DYNLT2B: variants seen among roughly 807,000 people sequenced by gnomAD.
DYNLT2B encodes the protein dynein light chain Tctex-type 2B.
A neutral mutation model predicts 19.5 loss-of-function variants in DYNLT2B; 14 were observed. The ratio of observed to expected loss-of-function variants is 0.72; its 90% CI spans 0.47 to 1.12. The LOEUF is 1.12. DYNLT2B is among the 50% of genes most tolerant of loss of function. The probability of loss-of-function intolerance (pLI) is 0.00; values close to 1 mark genes in which losing one functional copy is unlikely to be tolerated. For missense variants in DYNLT2B, 133 were observed against 174.7 expected (o/e 0.76, Z 1.35); for synonymous variants, 70 against 59.7 (o/e 1.17, Z -0.79).
At chr3:196,294,133 C>T (rs1033981081) in intron 4 of DYNLT2B, among the ~76,000 whole-genome samples, 1 of 152,020 alleles carries the variant, frequency 6.6e-6, no homozygotes, top group African/African-American at 2.4e-5. Flanking sequence ...GGGCCGATCA[C>T]CTGAGGTCGG....
chr3:196,292,850 C>T (rs1726129327), intron 4 of DYNLT2B, among the ~76,000 whole-genome samples: 1 of 152,060 alleles, frequency 6.6e-6, no homozygotes, highest in East Asian at 1.9e-4. Flanking sequence ...CTGGAATCTC[C>T]CAAATAAAGT....
chr3:196,314,035 T>C (rs977747730), intron 2 of DYNLT2B, among the ~76,000 whole-genome samples: 3 of 151,854 alleles, frequency 2.0e-5, no homozygotes, highest in African/African-American at 7.3e-5. Context: ...GAGGCGGAGA[T>C]TGCAGTGAGC....
intron 2 of DYNLT2B, among the ~76,000 whole-genome samples, chr3:196,310,251 G>C (rs1726601143): frequency 6.7e-6 from 1 of 149,404 alleles, no homozygotes; most frequent in Non-Finnish European, 1.5e-5. Flanking sequence ...ATAGGCATGC[G>C]CCATCACGCT....
At chr3:196,308,405 A>G (rs1726549003) in intron 2 of DYNLT2B, among the ~76,000 whole-genome samples, 1 of 152,196 alleles carries the variant, frequency 6.6e-6, no homozygotes, top group South Asian at 2.1e-4. Context: ...AGACAAGAAA[A>G]AAAATGAAGA....
At chr3:196,300,609 A>G (rs979905356) in intron 3 of DYNLT2B, among the ~76,000 whole-genome samples, 1 of 150,704 alleles carries the variant, frequency 6.6e-6, no homozygotes, top group African/African-American at 2.4e-5. Context: ...TGCGTCTCTA[A>G]TCCCGGTTAC....
At chr3:196,295,906 C>T (rs888273203) in intron 4 of DYNLT2B, 100 bp downstream of exon 4, 14 of 974,740 alleles carry the variant, frequency 1.4e-5, no homozygotes, top group Non-Finnish European at 2.2e-5. Context: ...AGATGAATGA[C>T]TAAGACAGCA....
intron 2 of DYNLT2B, among the ~76,000 whole-genome samples, chr3:196,311,704 G>C (rs1036576386): frequency 4.1e-5 from 6 of 145,918 alleles, no homozygotes; most frequent in African/African-American, 1.6e-4. Context: ...TTTATTTTGA[G>C]ACAGAGTCTC....
intron 2 of DYNLT2B, among the ~76,000 whole-genome samples, chr3:196,309,483 TCGAACTCCTGACCTCAGGTGATCC>T: frequency 6.6e-6 from 1 of 152,140 alleles, no homozygotes; most frequent in Non-Finnish European, 1.5e-5. Context: ...CAGGTTGTTC[TCGAACTCCTGACCTCAGGTGATCC>T]ATCTGCCTCG....
intron 3 of DYNLT2B, among the ~76,000 whole-genome samples, chr3:196,303,091 T>C (rs968902532): frequency 6.6e-6 from 1 of 152,090 alleles, no homozygotes; most frequent in African/African-American, 2.4e-5. Flanking sequence ...ATGGATCAGC[T>C]GGCACCACCC....
chr3:196,318,123 C>A lies in DYNLT2B; in HGVS notation c.30G>T (p.Ser10=). 1 of 1,555,736 alleles carries A rather than the reference C, an allele frequency of 6.4e-7. No individual in the cohort carries two copies. ...CAGCCTCAGGCACCCCGTCGCCCAC[C>A]GAGAAGGACACTCCGATGGACGTGG... The part of the protein sequence containing the change: MATSIGVSF[S]VGDGVPEAEK... Residue 10 remains serine (S), a synonymous_variant, in exon 1 of 5, where the codon TCG becomes TCT. Coordinates refer to ENST00000325318, the MANE Select transcript of DYNLT2B (RefSeq NM_152773.5).
chr3:196,317,310 G>A (rs1215719914), intron 1 of DYNLT2B, among the ~76,000 whole-genome samples: 1 of 95,186 alleles, frequency 1.1e-5, no homozygotes. Context: ...TAAAGTTAGT[G>A]ATCTTACAAA....
At chr3:196,308,539 G>C (rs1463371146) in intron 2 of DYNLT2B, among the ~76,000 whole-genome samples, 2 of 152,162 alleles carry the variant, frequency 1.3e-5, no homozygotes, top group East Asian at 3.8e-4. Flanking sequence ...AAATGGAATG[G>C]GCATTTTTGA....
chr3:196,311,528 CAT>C (rs1481135224), intron 2 of DYNLT2B, among the ~76,000 whole-genome samples: 1 of 151,868 alleles, frequency 6.6e-6, no homozygotes, highest in Non-Finnish European at 1.5e-5. Context: ...GAATAGGAAA[CAT>C]ATTCAGAGAT....
intron 4 of DYNLT2B, among the ~76,000 whole-genome samples, chr3:196,295,799 T>G (rs543057920): frequency 1.3e-5 from 2 of 152,224 alleles, no homozygotes; most frequent in African/African-American, 4.8e-5. Flanking sequence ...TTATGTCATA[T>G]GTAAACATGT....
intron 3 of DYNLT2B, among the ~76,000 whole-genome samples, chr3:196,304,632 A>T (rs1473655878): frequency 6.6e-6 from 1 of 151,534 alleles, no homozygotes; most frequent in Non-Finnish European, 1.5e-5. Flanking sequence ...CAGAGCTTGC[A>T]GTGAGCCAAG....
At chr3:196,316,890 AGTGTGTGTGTGTGTGTGTTGTGTGGT>A (rs1726817707) in intron 1 of DYNLT2B, among the ~76,000 whole-genome samples, 1 of 74,198 alleles carries the variant, frequency 1.3e-5, no homozygotes, top group Admixed American at 1.4e-4. Flanking sequence ...CATTTTTTTC[AGTGTGTGTGTGTGTGTGTTGTGTGGT>A]GTGTGTGTGT....
chr3:196,291,253 C>T lies in DYNLT2B; in HGVS notation c.*74G>A, dbSNP rs1726086640. 7.4e-7 allele frequency: 1 copy of T among 1,357,536 alleles called. No individual in the cohort carries two copies. Among genetic ancestry groups the T allele is most frequent in the East Asian group, 2.4e-5 (1 of 41,986 alleles). 84.1% of individuals were successfully genotyped at this position (1,357,536 alleles called of 1,614,324 possible). A position where few individuals can be genotyped will look rare whatever the true frequency, so the allele number is the denominator to read the frequency against. On this transcript the variant is annotated 3_prime_UTR_variant, in exon 5 of 5. Transcript: ENST00000325318. ...CAAACTACTAACATCTTTATTTTGTCAAGATATTTAACAATATTAAAAAGT... is the reference window on the plus strand; with the variant it reads ...CAAACTACTAACATCTTTATTTTGTTAAGATATTTAACAATATTAAAAAGT...
chr3:196,315,715 A>T (rs1350106355), intron 2 of DYNLT2B, among the ~76,000 whole-genome samples: 1 of 152,078 alleles, frequency 6.6e-6, no homozygotes, highest in Non-Finnish European at 1.5e-5. Flanking sequence ...TCTACTAAAA[A>T]TACAAAATTA....
intron 1 of DYNLT2B, 68 bp from the exon 2 acceptor site, chr3:196,316,299 C>T: frequency 2.7e-6 from 4 of 1,494,960 alleles, no homozygotes; most frequent in Non-Finnish European, 3.6e-6. Flanking sequence ...CATACCGCAA[C>T]TTCTCCCATC....
Sources: allele counts gnomAD v4.1 joint callset (sites outside exome capture counted in the v4.1 genomes callset), GRCh38; gene constraint gnomAD v4.1.1; transcripts MANE v1.5; gene names NCBI Gene and HGNC (gene_info 2026-07-23, HGNC 2026-07-21).